XDH: variants seen among roughly 807,000 people sequenced by gnomAD.
The protein encoded by XDH is xanthine dehydrogenase/oxidase.
XDH carries 138 observed loss-of-function variants against 156.1 expected under a neutral mutation model. The ratio of observed to expected loss-of-function variants is 0.88; its 90% CI spans 0.77 to 1.02. The LOEUF is 1.02. XDH is among the 50% of genes least tolerant of loss of function. The probability of loss-of-function intolerance (pLI) is 0.00; values close to 1 mark genes in which losing one functional copy is unlikely to be tolerated. For missense variants in XDH, 1,849 were observed against 1,684.9 expected (o/e 1.10, Z -1.71); for synonymous variants, 669 against 625.7 (o/e 1.07, Z -1.03).
chr2:31,376,750 G>A (rs1686254950), intron 14 of XDH, among the ~76,000 whole-genome samples: 1 of 147,158 alleles, frequency 6.8e-6, no homozygotes, highest in Non-Finnish European at 1.5e-5. Flanking sequence ...TGGAGTAGTA[G>A]CAATCATAAT....
intron 24 of XDH, among the ~76,000 whole-genome samples, chr2:31,356,159 A>G (rs1685616518): frequency 6.6e-6 from 1 of 152,052 alleles, no homozygotes; most frequent in Admixed American, 6.6e-5. Flanking sequence ...GAAATAGAAA[A>G]CTCCACAATT....
chr2:31,353,780 C>G (rs994174902), intron 24 of XDH, among the ~76,000 whole-genome samples: 2 of 152,168 alleles, frequency 1.3e-5, no homozygotes, highest in Admixed American at 6.5e-5. Flanking sequence ...TAGTCTCATT[C>G]CTACTCACAC....
rs2148007688 is a variant in XDH, at chr2:31,402,958, C to T, written c.197+90G>A. ...ACAGGGGCTCACACATGCGCACATG[C>T]ACATACACACATACACTCATGCACT... On this transcript the variant is annotated intron_variant, in intron 3 of 35. Coordinates refer to ENST00000379416, the MANE Select transcript of XDH (RefSeq NM_000379.4). 3 of 1,389,272 alleles carry T rather than the reference C, an allele frequency of 2.2e-6. No individual in the cohort carries two copies. In the South Asian group the frequency reaches 3.5e-5, roughly 16 times the overall value. The allele number at this position is 1,389,272 out of a possible 1,614,324, so 86.1% of individuals were successfully genotyped here.
intron 14 of XDH, 38 bp from the exon 15 acceptor site, chr2:31,375,592 A>G: frequency 2.5e-6 from 4 of 1,604,098 alleles, no homozygotes; most frequent in Non-Finnish European, 2.5e-6. Flanking sequence ...GCTCCCGCCC[A>G]GCCCTCCAGA....
Position 31,379,916 on chromosome 2 carries a change from A to G in XDH, c.1193T>C (p.Leu398Pro), listed in dbSNP as rs906154872. Reference protein sequence around the residue: ...TFFPGYRKTLLSPEEILLSIE... With the variant: ...TFFPGYRKTLPSPEEILLSIE... Reference sequence around the variant, plus strand: ...GGAGAGCAGTATCTCCTCCGGGCTCAGCAGGGTCTTTCTGTAGCCAGGGAA... The same window carrying G: ...GGAGAGCAGTATCTCCTCCGGGCTCGGCAGGGTCTTTCTGTAGCCAGGGAA... Residue 398 changes from leucine to proline, a missense_variant, in exon 13 of 36, where the codon CTG (leucine) becomes CCG (proline). Physicochemically the swap from Leu to Pro is moderately conservative, Grantham distance 98 (BLOSUM62 -3). Coordinates refer to ENST00000379416, the MANE Select transcript of XDH (RefSeq NM_000379.4). The G allele has an allele frequency of 1.2e-5, 20 of 1,614,052 alleles. No homozygotes were observed. The highest frequency in any genetic ancestry group is 1.7e-5 in the Non-Finnish European group (20 of 1,180,040).
chr2:31,348,281 G>C lies in XDH; in HGVS notation c.3134C>G (p.Thr1045Ser). The C allele has an allele frequency of 1.9e-6, 3 of 1,614,192 alleles. No homozygotes were observed. Among genetic ancestry groups the C allele is most frequent in the Non-Finnish European group, 2.5e-6 (3 of 1,180,034 alleles). The change falls in exon 28 of 36, where the codon ACC becomes AGC. Residue 1045 changes from threonine (T) to serine (S), a missense_variant. Thr to Ser is a moderately conservative substitution (Grantham distance 58). Transcript: ENST00000379416. ...AGGGCTGCTCACCTGGACCATTTTG[G>C]TATGAAGGCCTTGGCCCATCTCAGT... is the stretch of plus-strand genomic sequence containing the variant. The part of the protein sequence containing the change: ...GGTEMGQGLH[T>S]KMVQVASRAL...
chr2:31,337,899 C>G (rs1283721255), intron 34 of XDH, 82 bp from the exon 35 acceptor site: 4 of 1,504,376 alleles, frequency 2.7e-6, no homozygotes, highest in Non-Finnish European at 3.6e-6. Context: ...GGAGGCCAGG[C>G]AGCAAACTCT....
intron 24 of XDH, among the ~76,000 whole-genome samples, chr2:31,362,656 C>T (rs1316729312): frequency 6.6e-6 from 1 of 152,116 alleles, no homozygotes; most frequent in Non-Finnish European, 1.5e-5. Context: ...AGCCAGTATT[C>T]CAAACTGTTT....
At chr2:31,367,468 A>C (rs1467021044) in intron 20 of XDH, among the ~76,000 whole-genome samples, 1 of 152,142 alleles carries the variant, frequency 6.6e-6, no homozygotes, top group African/African-American at 2.4e-5. Context: ...CCAATGTAAA[A>C]AACAGTTCCA....
At chr2:31,384,214 T>C (rs1437913106) in intron 9 of XDH, 2 of 282,840 alleles carry the variant, frequency 7.1e-6, no homozygotes, top group Non-Finnish European at 1.4e-5. Context: ...CTAAGCACTT[T>C]CCCTATTTTA....
At chr2:31,355,137 G>A (rs1685590890) in intron 24 of XDH, among the ~76,000 whole-genome samples, 1 of 152,138 alleles carries the variant, frequency 6.6e-6, no homozygotes, top group Middle Eastern at 3.2e-3. Flanking sequence ...AGTTTTTCAG[G>A]TGCTGAAAGA....
chr2:31,400,537 T>C (rs1382375609), intron 4 of XDH, among the ~76,000 whole-genome samples: 1 of 152,144 alleles, frequency 6.6e-6, no homozygotes, highest in Non-Finnish European at 1.5e-5. Flanking sequence ...AGGGCTCTAC[T>C]CCCCTTTCTT....
intron 1 of XDH, among the ~76,000 whole-genome samples, chr2:31,407,521 G>A (rs1275652000): frequency 1.3e-5 from 2 of 152,188 alleles, no homozygotes; most frequent in Non-Finnish European, 2.9e-5. Context: ...AGCAGCCTGA[G>A]AAAAGTGCAT....
At chr2:31,409,908 T>G (rs956910011) in intron 1 of XDH, among the ~76,000 whole-genome samples, 1 of 152,142 alleles carries the variant, frequency 6.6e-6, no homozygotes, top group African/African-American at 2.4e-5. Flanking sequence ...CCAAAATAAT[T>G]GAAGTCAGGG....
chr2:31,364,188 A>C lies in XDH; in HGVS notation c.2601T>G (p.Asn867Lys). Residue 867 changes from asparagine to lysine, a missense_variant, in exon 24 of 36, where the codon AAT (asparagine) becomes AAG (lysine). Coordinates refer to ENST00000379416, the MANE Select transcript of XDH (RefSeq NM_000379.4). ...GAGAGAGATCCTGGGTGTTCCCCAC[A>C]TTGCTGAAGTGGTCCACCTCAAGAG... is the stretch of plus-strand genomic sequence containing the variant. ...VVALEVDHFS[N>K]VGNTQDLSQS... 6.2e-7 allele frequency: 1 copy of C among 1,614,124 alleles called. No individual in the cohort carries two copies. Among genetic ancestry groups the C allele is most frequent in the Non-Finnish European group, 8.5e-7 (1 of 1,180,018 alleles).
Position 31,350,098 on chromosome 2 carries a change from C to G in XDH, c.2757G>C (p.Gln919His). 1 of 1,614,266 alleles carries G rather than the reference C, an allele frequency of 6.2e-7. No individual in the cohort carries two copies. Among genetic ancestry groups the G allele is most frequent in the Non-Finnish European group, 8.5e-7 (1 of 1,180,052 alleles). Residue 919 changes from glutamine (Q) to histidine (H), a missense_variant, in exon 25 of 36, where the codon CAG becomes CAC. Physicochemically the swap from Gln to His is conservative, Grantham distance 24. Coordinates refer to ENST00000379416, the MANE Select transcript of XDH (RefSeq NM_000379.4). ...TCCAGCACTCGGCAATGAGCATCCC[C>G]TGGGGCCCCCCAAAGCCCCGGAAGG... ...NTAFRGFGGPQGMLIAECWMS... is the reference protein window; with the variant it reads ...NTAFRGFGGPHGMLIAECWMS...
chr2:31,336,933 G>C (rs1363395320), intron 35 of XDH, among the ~76,000 whole-genome samples: 1 of 149,982 alleles, frequency 6.7e-6, no homozygotes, highest in Admixed American at 6.7e-5. Flanking sequence ...ACCACTCAGA[G>C]GCTGGGCTGG....
chr2:31,347,672 C>T, intron 28 of XDH, 22 bp from the exon 29 acceptor site: 1 of 1,611,070 alleles, frequency 6.2e-7, no homozygotes. Flanking sequence ...GAAGACATTG[C>T]CCTCTAGGGA....
chr2:31,372,252 C>T lies in XDH; in HGVS notation c.1832G>A (p.Ser611Asn). The change falls in exon 17 of 36, where the codon AGC becomes AAC. Residue 611 changes from serine to asparagine, a missense_variant. Coordinates refer to ENST00000379416, the MANE Select transcript of XDH (RefSeq NM_000379.4). ...CTTGATCTTGGCGTGGGCCCGGGTG[C>T]TGGTGACCAGCCGGAGAGACAGCTC... ...ENELSLRLVT[S>N]TRAHAKIKSI... is the part of the protein sequence containing the mutation. The T allele has an allele frequency of 6.2e-7, 1 of 1,614,236 alleles. No individual in the cohort carries two copies. Among genetic ancestry groups the T allele is most frequent in the Non-Finnish European group, 8.5e-7 (1 of 1,180,048 alleles).
Sources: allele counts gnomAD v4.1 joint callset (sites outside exome capture counted in the v4.1 genomes callset), GRCh38; gene constraint gnomAD v4.1.1; transcripts MANE v1.5; gene names NCBI Gene and HGNC (gene_info 2026-07-23, HGNC 2026-07-21).